The following COL9A1 variants were observed in gnomAD, a reference collection of about 807,000 sequenced individuals.
The protein encoded by COL9A1 is collagen type IX alpha 1 chain.
A neutral mutation model predicts 142.6 loss-of-function variants in COL9A1; 104 were observed. That is an observed-to-expected ratio of 0.73 (90% CI 0.62 to 0.86). The LOEUF is 0.86. COL9A1 is among the 40% of genes least tolerant of loss of function. The pLI, the probability that COL9A1 is intolerant of heterozygous loss-of-function variation, is 0.00. For missense variants in COL9A1, 1,210 were observed against 1,176.6 expected, an observed-to-expected ratio of 1.03 and a Z score of -0.42; for synonymous variants, 466 against 396.0, an observed-to-expected ratio of 1.18 and a Z score of -2.10.
chr6:70,281,397 C>T lies in COL9A1; in HGVS notation c.869G>A (p.Gly290Asp), dbSNP rs1401851753. 6.2e-7 allele frequency: 1 copy of T among 1,611,808 alleles called. No individual in the cohort carries two copies. Among genetic ancestry groups the T allele is most frequent in the Admixed American group, 1.7e-5 (1 of 59,898 alleles). Residue 290 changes from glycine (G) to aspartate (D), a missense_variant, in exon 8 of 38, where the codon GGC becomes GAC. Coordinates refer to ENST00000357250, the MANE Select transcript of COL9A1 (RefSeq NM_001851.6). ...CTGGAGATAGAAACTTACGTCGATG[C>T]CATCGATGCCTGGAACTCCAGGGGG... Reference protein sequence around the residue: ...PGPPGVPGIDGIDGDRGPKGP... With the variant: ...PGPPGVPGIDDIDGDRGPKGP...
At chr6:70,243,610 C>T (rs1018348949) in intron 28 of COL9A1, among the ~76,000 whole-genome samples, 29 of 152,242 alleles carry the variant, frequency 1.9e-4, no homozygotes, top group African/African-American at 6.7e-4. Context: ...TCACTGCAAC[C>T]TCCATCTCCC....
intron 28 of COL9A1, among the ~76,000 whole-genome samples, chr6:70,243,133 G>T (rs1770371621): frequency 6.6e-6 from 1 of 152,122 alleles, no homozygotes; most frequent in South Asian, 2.1e-4. Context: ...GCAACATCTG[G>T]CAAATGATCT....
At chr6:70,232,531 T>C (rs1012860761) in intron 36 of COL9A1, 52 bp downstream of exon 36, 33 of 1,571,858 alleles carry the variant, frequency 2.1e-5, no homozygotes, top group Non-Finnish European at 2.8e-5. Context: ...ATACAGATTA[T>C]ACATCTGAAA....
chr6:70,261,240 A>C (rs575851370), intron 19 of COL9A1, among the ~76,000 whole-genome samples: 6 of 152,344 alleles, frequency 3.9e-5, no homozygotes, highest in East Asian at 3.9e-4. Flanking sequence ...TCTTATGATG[A>C]AAGGCATTCT....
rs188749185 is a variant in COL9A1 at position 70,301,982 on chromosome 6, T to G, written c.88+19A>C. ...TGGGAATAAGTGATCTTTGAAAGTCTAGAAACTATGGCCCTTACTGGGGCG... is the reference window on the plus strand; with the variant it reads ...TGGGAATAAGTGATCTTTGAAAGTCGAGAAACTATGGCCCTTACTGGGGCG... On this transcript the variant is annotated intron_variant, in intron 2 of 37. Transcript: ENST00000357250. The G allele has an allele frequency of 1.7e-4, 274 of 1,595,988 alleles. No individual in the cohort carries two copies. Among genetic ancestry groups the G allele is most frequent in the Non-Finnish European group, 2.2e-4 (258 of 1,167,980 alleles).
chr6:70,242,282 T>G (rs773639932), intron 29 of COL9A1: 2 of 585,596 alleles, frequency 3.4e-6, no homozygotes, highest in East Asian at 3.0e-5. Context: ...ACAGTAGGCT[T>G]TTTCAGTCAA....
chr6:70,292,969 TC>T (rs1449831884), intron 5 of COL9A1, among the ~76,000 whole-genome samples: 2 of 152,164 alleles, frequency 1.3e-5, no homozygotes, highest in Non-Finnish European at 2.9e-5. Flanking sequence ...ACAAATTGCT[TC>T]CCGTCCATCA....
chr6:70,242,150 G>A, intron 29 of COL9A1, 115 bp from the exon 30 acceptor site: 1 of 883,838 alleles, frequency 1.1e-6, no homozygotes, highest in Non-Finnish European at 1.8e-6. Flanking sequence ...TGCTGTGGTT[G>A]GTTGAACTCT....
chr6:70,253,516 T>C, intron 25 of COL9A1, 87 bp from the exon 26 acceptor site: 1 of 938,252 alleles, frequency 1.1e-6, no homozygotes, highest in Non-Finnish European at 1.7e-6. Flanking sequence ...GCAGGGAGGC[T>C]GAGGGAATCA....
intron 36 of COL9A1, among the ~76,000 whole-genome samples, chr6:70,229,462 T>C (rs998700734): frequency 6.6e-6 from 1 of 152,198 alleles, no homozygotes; most frequent in Non-Finnish European, 1.5e-5. Context: ...CATTGCTCTA[T>C]AGTTGCTATT....
At chr6:70,265,500 CTTTTT>C (rs57504613) in intron 18 of COL9A1, among the ~76,000 whole-genome samples, 1 of 136,590 alleles carries the variant, frequency 7.3e-6, no homozygotes, top group Admixed American at 7.4e-5. Context: ...TGTGCTTGTA[CTTTTT>C]TTTTTTTTTT....
At chr6:70,294,706 A>T in intron 4 of COL9A1, 143 bp from the exon 5 acceptor site, 1 of 736,758 alleles carries the variant, frequency 1.4e-6, no homozygotes, top group South Asian at 1.7e-5. Flanking sequence ...TTGTTCTTTC[A>T]TGACTGTTCA....
At chr6:70,298,676 G>T (rs920264091) in intron 4 of COL9A1, among the ~76,000 whole-genome samples, 4 of 152,184 alleles carry the variant, frequency 2.6e-5, no homozygotes, top group Non-Finnish European at 4.4e-5. Context: ...AAGAGTTAAT[G>T]ACAGTACCTC....
chr6:70,229,768 TG>T (rs1769437864), intron 36 of COL9A1, among the ~76,000 whole-genome samples: 1 of 152,166 alleles, frequency 6.6e-6, no homozygotes, highest in African/African-American at 2.4e-5. Flanking sequence ...GTTTTAAGCC[TG>T]GGCCCTAACA....
Position 70,241,958 on chromosome 6 carries a change from T to A in COL9A1, c.1998+6A>T. On this transcript the variant is annotated splice_donor_region_variant and intron_variant, in intron 30 of 37. Transcript: ENST00000357250. ...AAAGAACCTTCTGGAGTGCTGGAGC[T>A]CTTACCCTGTCACCTTTCATTCCAG... 1.3e-6 allele frequency: 2 copies of A among 1,588,386 alleles called. No homozygotes were observed. The highest frequency in any genetic ancestry group is 3.3e-4 in the Middle Eastern group (2 of 6,038).
intron 10 of COL9A1, among the ~76,000 whole-genome samples, chr6:70,277,365 C>G (rs1772836963): frequency 2.7e-5 from 4 of 150,754 alleles, no homozygotes; most frequent in Admixed American, 1.3e-4. Context: ...ATCAACTTAA[C>G]CTGAAAAAAG....
At chr6:70,254,735 C>T (rs1562305493) in intron 24 of COL9A1, 5 of 675,576 alleles carry the variant, frequency 7.4e-6, no homozygotes, top group African/African-American at 1.8e-5. Flanking sequence ...TCTCTCTCAA[C>T]TTACTTTCAT....
At chr6:70,285,421 A>T (rs1030474344) in intron 5 of COL9A1, among the ~76,000 whole-genome samples, 2 of 152,260 alleles carry the variant, frequency 1.3e-5, no homozygotes, top group Non-Finnish European at 2.9e-5. Context: ...CCTTGGTAAA[A>T]GTCACTTGCG....
In COL9A1 at chr6:70,232,697, G is replaced by A. The variant is rs762152784; in HGVS notation, c.2389C>T (p.Pro797Ser). The change falls in exon 36 of 38, where the codon CCT becomes TCT. Residue 797 changes from proline to serine, a missense_variant. By Grantham distance (74) the Pro-to-Ser change is moderately conservative. Coordinates refer to ENST00000357250, the MANE Select transcript of COL9A1 (RefSeq NM_001851.6). The stretch of plus-strand genomic sequence containing the variant: ...CCAGGAGGGCCGGGGGGACCAGGAG[G>A]GCCAGGCCTTCCAGGAAGCCCAGTG... ...GATGLPGRPGPPGPPGPPGEN... is the reference protein window; with the variant it reads ...GATGLPGRPGSPGPPGPPGEN... The A allele has an allele frequency of 3.1e-6, 5 of 1,613,988 alleles. No homozygotes were observed. The highest frequency in any genetic ancestry group is 2.2e-5 in the South Asian group (2 of 91,066).
Sources: gnomAD v4.1 joint callset for allele counts (sites outside exome capture counted in the v4.1 genomes callset) on GRCh38, gnomAD v4.1.1 for gene constraint, MANE v1.5 for transcripts, NCBI Gene and HGNC (gene_info 2026-07-23, HGNC 2026-07-21) for gene names.